CDK19: variants seen among roughly 807,000 people sequenced by gnomAD.
CDK19 encodes the protein cyclin-dependent kinase 19.
In CDK19, 20 loss-of-function variants were observed where a neutral mutation model predicts 68.3. That is an observed-to-expected ratio of 0.29 (90% CI 0.21 to 0.43). CDK19 has a LOEUF of 0.43. Among genes scored for constraint, CDK19 ranks in the 20% least tolerant of loss-of-function variants. The pLI is 1.00. For missense variants in CDK19, 339 were observed against 623.5 expected (o/e 0.54, Z 4.86); for synonymous variants, 221 against 222.8 (o/e 0.99, Z 0.07).
rs144613402 is a variant in CDK19 at position 110,736,275 on chromosome 6, A to T, written c.204+9851T>A. On this transcript the variant is annotated intron_variant, in intron 2 of 12. Transcript: ENST00000368911. ...AGAATCGCTTGAATCCAGGAAGCAG[A>T]GGTTGAGGTGAGCCGAGATCACGCC... 9.2e-3 allele frequency among the ~76,000 whole-genome samples: 1,403 copies of T among 152,320 alleles called. 19 individuals are homozygous for T. The highest frequency in any genetic ancestry group is 0.075 in the Middle Eastern group (22 of 294).
At position 110,807,441 on chromosome 6, in the gene CDK19, C is replaced by T. The variant is rs190067739; in HGVS notation, c.128+7568G>A. 6.6e-5 allele frequency among the ~76,000 whole-genome samples: 10 copies of T among 152,222 alleles called. No individual in the cohort carries two copies. The East Asian group carries it at 1.2e-3, about 18-fold the overall frequency. ...GAATGGCTGGGAAAGGGATGACTTACGTTACACTGGTGGTTTTTTGTTATT... is the reference window on the plus strand; with the variant it reads ...GAATGGCTGGGAAAGGGATGACTTATGTTACACTGGTGGTTTTTTGTTATT... On this transcript the variant is annotated intron_variant, in intron 1 of 12. Coordinates refer to ENST00000368911, the MANE Select transcript of CDK19 (RefSeq NM_015076.5).
chr6:110,748,271 A>C (rs1011488971), intron 1 of CDK19, among the ~76,000 whole-genome samples: 9 of 152,216 alleles, frequency 5.9e-5, no homozygotes, highest in African/African-American at 1.9e-4. Context: ...CAAAATTAAC[A>C]CATCAAATTA....
At chr6:110,741,193 T>C (rs990020955) in intron 2 of CDK19, among the ~76,000 whole-genome samples, 8 of 151,866 alleles carry the variant, frequency 5.3e-5, no homozygotes, top group Non-Finnish European at 8.8e-5. Context: ...CAGCGGTTCA[T>C]ACATGTAATC....
intron 2 of CDK19, among the ~76,000 whole-genome samples, chr6:110,690,367 G>C (rs555093985): frequency 6.6e-6 from 1 of 152,196 alleles, no homozygotes; most frequent in African/African-American, 2.4e-5. Flanking sequence ...GAGATAGATA[G>C]CTTCCCTGCT....
chr6:110,722,052 GA>G (rs958083398), intron 2 of CDK19, among the ~76,000 whole-genome samples: 31 of 152,130 alleles, frequency 2.0e-4, no homozygotes, highest in African/African-American at 6.7e-4. Flanking sequence ...GTATGTGTAG[GA>G]TTTTTTTAGA....
chr6:110,699,053 CAAAA>C (rs564638902), intron 2 of CDK19, among the ~76,000 whole-genome samples: 4 of 108,810 alleles, frequency 3.7e-5, no homozygotes, highest in Admixed American at 2.1e-4. Flanking sequence ...GACCCTGTCT[CAAAA>C]AAAAAAAAAA....
At chr6:110,769,063 G>C (rs1174732876) in intron 1 of CDK19, among the ~76,000 whole-genome samples, 1 of 146,866 alleles carries the variant, frequency 6.8e-6, no homozygotes, top group Non-Finnish European at 1.5e-5. Context: ...GCTGAGGCAG[G>C]AGAATTGCTT....
At chr6:110,769,577 A>AT (rs1554221020) in intron 1 of CDK19, among the ~76,000 whole-genome samples, 25 of 146,368 alleles carry the variant, frequency 1.7e-4, no homozygotes, top group African/African-American at 2.0e-4. Flanking sequence ...AAAAAAAAAA[A>AT]AATAATAATA....
Position 110,638,645 on chromosome 6 carries a change from C to G in CDK19, c.514+4G>C. The stretch of plus-strand genomic sequence containing the variant: ...AATAAATTATTTTAGGAATAATTAC[C>G]TACCTATTTTGACTCTCCCCCTCTC... On this transcript the variant is annotated splice_donor_region_variant and intron_variant, in intron 5 of 12. Coordinates refer to ENST00000368911, the MANE Select transcript of CDK19 (RefSeq NM_015076.5). The G allele has an allele frequency of 7.1e-7, 1 of 1,411,784 alleles. No homozygotes were observed. 87.5% of individuals were successfully genotyped at this position (1,411,784 alleles called of 1,614,324 possible).
rs185274382 is a variant in CDK19 at position 110,678,306 on chromosome 6, C to T, written c.205-7765G>A. 1.9e-4 allele frequency among the ~76,000 whole-genome samples: 29 copies of T among 152,178 alleles called. No individual in the cohort carries two copies. The East Asian group carries it at 5.4e-3, about 28-fold the overall frequency. ...GTTTACCTCTAGTCCACCCATCTCC[C>T]CTGAACACCAGCTATGTGTATCCAG... On this transcript the variant is annotated intron_variant, in intron 2 of 12. Transcript: ENST00000368911.
intron 2 of CDK19, among the ~76,000 whole-genome samples, chr6:110,724,424 C>A (rs1776177465): frequency 6.6e-6 from 1 of 152,088 alleles, no homozygotes; most frequent in Non-Finnish European, 1.5e-5. Flanking sequence ...CACTGCCCTG[C>A]TCATCCTTAG....
chr6:110,721,165 G>A (rs1328477870), intron 2 of CDK19, among the ~76,000 whole-genome samples: 1 of 152,130 alleles, frequency 6.6e-6, no homozygotes, highest in African/African-American at 2.4e-5. Context: ...GCTTGAACCC[G>A]GGAGGCGGAG....
intron 2 of CDK19, among the ~76,000 whole-genome samples, chr6:110,705,997 A>T (rs1286869584): frequency 6.6e-6 from 1 of 152,106 alleles, no homozygotes; most frequent in East Asian, 1.9e-4. Context: ...AAAGTATAAT[A>T]AAAAATAAAA....
chr6:110,683,174 C>CAA (rs58912406), intron 2 of CDK19, among the ~76,000 whole-genome samples: 183 of 49,114 alleles, frequency 3.7e-3, no homozygotes, highest in African/African-American at 6.3e-3. Context: ...AGACTGTCTC[C>CAA]AAAAAAAAAA....
intron 2 of CDK19, among the ~76,000 whole-genome samples, chr6:110,715,109 T>C (rs978513811): frequency 7.2e-5 from 11 of 152,186 alleles, no homozygotes; most frequent in African/African-American, 2.2e-4. Context: ...TTTAAATCTA[T>C]TAGGCAATCA....
At chr6:110,637,597 T>A (rs1337027390) in intron 5 of CDK19, among the ~76,000 whole-genome samples, 2 of 152,202 alleles carry the variant, frequency 1.3e-5, no homozygotes, top group Admixed American at 6.5e-5. Flanking sequence ...CATGGTATAT[T>A]CTAATAGCAA....
At chr6:110,703,245 A>G (rs1774158888) in intron 2 of CDK19, among the ~76,000 whole-genome samples, 1 of 152,200 alleles carries the variant, frequency 6.6e-6, no homozygotes, top group Non-Finnish European at 1.5e-5. Context: ...AGCAAGAAAG[A>G]GCCAGACCAA....
At chr6:110,714,028 T>C (rs560927122) in intron 2 of CDK19, among the ~76,000 whole-genome samples, 1 of 152,314 alleles carries the variant, frequency 6.6e-6, no homozygotes, top group East Asian at 1.9e-4. Flanking sequence ...CACAATTATA[T>C]AATTCCAGAA....
chr6:110,685,107 C>A (rs1210188712), intron 2 of CDK19, among the ~76,000 whole-genome samples: 4 of 152,102 alleles, frequency 2.6e-5, no homozygotes, highest in Non-Finnish European at 5.9e-5. Flanking sequence ...CACTGCATTC[C>A]AGCCTGGGCG....
Sources: allele counts gnomAD v4.1 joint callset (sites outside exome capture counted in the v4.1 genomes callset), GRCh38; gene constraint gnomAD v4.1.1; transcripts MANE v1.5; gene names NCBI Gene and HGNC (gene_info 2026-07-23, HGNC 2026-07-21).